Variants in CATSPERE observed in about 807,000 individuals in gnomAD.
The protein encoded by CATSPERE is cation channel sperm-associated auxiliary subunit epsilon.
Under a neutral mutation model 114.1 loss-of-function variants are expected in CATSPERE, and 93 were observed. The observed-to-expected ratio is 0.81, with a 90% confidence interval of 0.69 to 0.97. The LOEUF is 0.97. Ranked by LOEUF, CATSPERE falls within the 50% of genes least tolerant of loss-of-function variation. The pLI, the probability that CATSPERE is intolerant of heterozygous loss-of-function variation, is 0.00. For missense variants in CATSPERE, 1,058 were observed against 1,131.6 expected, an observed-to-expected ratio of 0.93 and a Z score of 0.93; for synonymous variants, 341 against 384.1, an observed-to-expected ratio of 0.89 and a Z score of 1.31.
chr1:244,620,188 G>A (rs1481152981), intron 20 of CATSPERE, among the ~76,000 whole-genome samples: 1 of 152,186 alleles, frequency 6.6e-6, no homozygotes, highest in Admixed American at 6.5e-5. Flanking sequence ...AGTGAGTCCA[G>A]TAGAGCCAGT....
chr1:244,584,319 G>T (rs966394593), intron 13 of CATSPERE, among the ~76,000 whole-genome samples: 1 of 151,988 alleles, frequency 6.6e-6, no homozygotes, highest in Non-Finnish European at 1.5e-5. Context: ...TTTTATTATG[G>T]AAAATGGTAT....
At chr1:244,622,170 G>T (rs572037104) in intron 20 of CATSPERE, among the ~76,000 whole-genome samples, 1 of 152,212 alleles carries the variant, frequency 6.6e-6, no homozygotes, top group East Asian at 1.9e-4. Flanking sequence ...ACACCGTAAG[G>T]TTTTATGTAA....
At chr1:244,520,028 T>C (rs774964211) in intron 8 of CATSPERE, among the ~76,000 whole-genome samples, 123 of 152,294 alleles carry the variant, frequency 8.1e-4, no homozygotes, top group Admixed American at 3.0e-3. Context: ...CTTTATATTC[T>C]AGATACAAGT....
intron 13 of CATSPERE, 25 bp from the exon 14 acceptor site, chr1:244,588,457 C>T (rs1207300945): frequency 6.3e-7 from 1 of 1,576,874 alleles, no homozygotes; most frequent in Non-Finnish European, 8.7e-7. Flanking sequence ...CTGCTGAACT[C>T]ACTACCTAAG....
rs34444654 is a variant in CATSPERE, at chr1:244,640,188, C to CGTAGTA, written c.*109_*114dup. ...GACCAAGAAATACTAAATATAAGCT[C>CGTAGTA]GTAGTAGGCATCACCAAATTCAAGA... On this transcript the variant is annotated 3_prime_UTR_variant, in exon 22 of 22. Transcript: ENST00000366534. 5.4e-6 allele frequency: 4 copies of CGTAGTA among 743,950 alleles called. No individual in the cohort carries two copies. Among genetic ancestry groups the CGTAGTA allele is most frequent in the Non-Finnish European group, 8.3e-6 (4 of 479,518 alleles). 46.1% of individuals were successfully genotyped at this position (743,950 alleles called of 1,614,324 possible).
At chr1:244,570,360 C>A (rs1664253269) in intron 10 of CATSPERE, among the ~76,000 whole-genome samples, 1 of 151,896 alleles carries the variant, frequency 6.6e-6, no homozygotes, top group Admixed American at 6.6e-5. Flanking sequence ...GTTTTGTTTT[C>A]TTTTCCTTTT....
intron 20 of CATSPERE, among the ~76,000 whole-genome samples, chr1:244,619,227 G>T (rs1671781222): frequency 6.6e-6 from 1 of 152,186 alleles, no homozygotes; most frequent in Admixed American, 6.6e-5. Flanking sequence ...GCATACATAA[G>T]TTAGCTGACT....
At position 244,495,255 on chromosome 1, in the gene CATSPERE, T is replaced by C. The variant is rs189416189; in HGVS notation, c.352-3747T>C. Among the ~76,000 whole-genome samples the C allele has an allele frequency of 2.0e-5, 3 of 152,274 alleles. No homozygotes were observed. The East Asian group carries it at 5.8e-4, about 29-fold the overall frequency. ...AACAGAATGTGAGCTTTCTAGAAAA[T>C]ATACAACTAAACATACAAATGAATA... On this transcript the variant is annotated intron_variant, in intron 6 of 21. Transcript: ENST00000366534.
chr1:244,613,640 T>C (rs887080697), intron 19 of CATSPERE, among the ~76,000 whole-genome samples: 1 of 152,226 alleles, frequency 6.6e-6, no homozygotes, highest in African/African-American at 2.4e-5. Flanking sequence ...TCTGTGTCCA[T>C]TGAGGCTTCT....
At position 244,576,001 on chromosome 1, in the gene CATSPERE, C is replaced by T. The variant is rs192230412; in HGVS notation, c.1950+3229C>T. On this transcript the variant is annotated intron_variant, in intron 11 of 21. Coordinates refer to ENST00000366534, the MANE Select transcript of CATSPERE (RefSeq NM_001130957.2). ...TCTACTGCCTCTGCGGTGTCTGTTT[C>T]CTTGGTATATCCTGTCCAAGGAATG... Among the ~76,000 whole-genome samples the T allele has an allele frequency of 1.9e-3, 283 of 152,154 alleles. 3 individuals carry two copies. The highest frequency in any genetic ancestry group is 7.7e-4 in the East Asian group (4 of 5,168).
At chr1:244,499,219 G>C in intron 7 of CATSPERE, 140 bp downstream of exon 7, 1 of 527,742 alleles carries the variant, frequency 1.9e-6, no homozygotes, top group South Asian at 3.8e-5. Context: ...ATCCCTTTTA[G>C]TTTAGCCATT....
chr1:244,555,058 G>A (rs1661365210), intron 9 of CATSPERE, among the ~76,000 whole-genome samples: 1 of 152,120 alleles, frequency 6.6e-6, no homozygotes, highest in African/African-American at 2.4e-5. Flanking sequence ...TACAGAAAAA[G>A]CATGTGATAA....
At chr1:244,616,116 G>A (rs987930194) in intron 19 of CATSPERE, among the ~76,000 whole-genome samples, 9 of 152,046 alleles carry the variant, frequency 5.9e-5, no homozygotes, top group African/African-American at 1.7e-4. Flanking sequence ...GTGTCAGAGC[G>A]AGACTCCATC....
intron 5 of CATSPERE, among the ~76,000 whole-genome samples, chr1:244,485,894 C>T (rs4554707): frequency 0.22 from 32,587 of 151,346 alleles, 4,013 homozygotes; most frequent in African/African-American, 0.32. Flanking sequence ...CAGGGTTTCA[C>T]TTTGTTGCCC....
In CATSPERE at chr1:244,504,064, T is replaced by C. The variant is rs1284100800; in HGVS notation, c.429+4985T>C. ...TGACTCTGTGTATAAGCATGTTTCT[T>C]TTTTATTTAACATGGTAACCATAGT... On this transcript the variant is annotated intron_variant, in intron 7 of 21. Coordinates refer to ENST00000366534, the MANE Select transcript of CATSPERE (RefSeq NM_001130957.2). The surrounding 1 kb of genome is among the most constrained non-coding windows in gnomAD (Gnocchi z 4.1). 6.6e-6 allele frequency among the ~76,000 whole-genome samples: 1 copy of C among 152,228 alleles called. No individual in the cohort carries two copies.
At chr1:244,531,085 A>AAAT (rs1679512831) in intron 8 of CATSPERE, among the ~76,000 whole-genome samples, 1 of 151,660 alleles carries the variant, frequency 6.6e-6, no homozygotes, top group Admixed American at 6.6e-5. Context: ...AAAAATTTAA[A>AAAT]AAAAGCCGGG....
chr1:244,590,032 A>G (rs1275090926), intron 14 of CATSPERE, among the ~76,000 whole-genome samples: 1 of 152,180 alleles, frequency 6.6e-6, no homozygotes, highest in Non-Finnish European at 1.5e-5. Flanking sequence ...GGACTTGTCA[A>G]TGAAGGAGAG....
chr1:244,500,042 T>C (rs1398096644), intron 7 of CATSPERE, among the ~76,000 whole-genome samples: 1 of 152,218 alleles, frequency 6.6e-6, no homozygotes, highest in African/African-American at 2.4e-5. Flanking sequence ...CCATTCTAAC[T>C]GGGTGCAAGA....
Position 244,605,724 on chromosome 1 carries a change from T to A in CATSPERE, c.2333T>A (p.Val778Asp). The A allele has an allele frequency of 6.2e-7, 1 of 1,613,242 alleles. No homozygotes were observed. Among genetic ancestry groups the A allele is most frequent in the Non-Finnish European group, 8.5e-7 (1 of 1,179,296 alleles). ...LFDDNGYVKD[V>D]EANFIVWEIH... Reference sequence around the variant, plus strand: ...GATGATAATGGCTATGTTAAAGACGTTGAAGCAAATTTCATAGTGTGGGAA... The same window carrying A: ...GATGATAATGGCTATGTTAAAGACGATGAAGCAAATTTCATAGTGTGGGAA... Residue 778 changes from valine to aspartate, a missense_variant, in exon 18 of 22, where the codon GTT becomes GAT. Val to Asp is a radical substitution (Grantham distance 152). This residue lies in a region of CATSPERE where 787 missense variants were observed against 905.6 expected (regional missense o/e 0.87). Coordinates refer to ENST00000366534, the MANE Select transcript of CATSPERE (RefSeq NM_001130957.2).
Sources: allele counts gnomAD v4.1 joint callset (sites outside exome capture counted in the v4.1 genomes callset), GRCh38; gene constraint gnomAD v4.1.1; regional missense constraint gnomAD v4.1.1; non-coding constraint Gnocchi (gnomAD v3.1); transcripts MANE v1.5; gene names NCBI Gene and HGNC (gene_info 2026-07-23, HGNC 2026-07-21).